Variants in CCDC170 observed in about 807,000 individuals in gnomAD.
CCDC170 encodes coiled-coil domain containing 170.
In CCDC170, 69 loss-of-function variants were observed where a neutral mutation model predicts 72.6. The observed-to-expected ratio is 0.95, with a 90% CI of 0.78 to 1.16. CCDC170 has a LOEUF of 1.16. CCDC170 is among the 50% of genes most tolerant of loss of function. The probability of loss-of-function intolerance (pLI) is 0.00; values close to 1 mark genes in which losing one functional copy is unlikely to be tolerated. For missense variants in CCDC170, 852 were observed against 832.5 expected (o/e 1.02, Z -0.29); for synonymous variants, 300 against 303.9 (o/e 0.99, Z 0.13).
intron 6 of CCDC170, among the ~76,000 whole-genome samples, chr6:151,576,900 A>G (rs1776310413): frequency 1.3e-5 from 2 of 152,300 alleles, no homozygotes; most frequent in South Asian, 4.1e-4. Context: ...CGGCGGGTTC[A>G]GGCTCAGCTT....
intron 9 of CCDC170, among the ~76,000 whole-genome samples, chr6:151,614,408 T>G (rs1776924519): frequency 1.3e-5 from 2 of 152,168 alleles, no homozygotes; most frequent in Admixed American, 6.5e-5. Context: ...ACTTAGGATG[T>G]TTTCAAGGCT....
At chr6:151,581,764 G>T (rs1371929200) in intron 6 of CCDC170, among the ~76,000 whole-genome samples, 2 of 152,170 alleles carry the variant, frequency 1.3e-5, no homozygotes, top group African/African-American at 2.4e-5. Context: ...TGATCCATGG[G>T]CTGCAGAATG....
intron 3 of CCDC170, among the ~76,000 whole-genome samples, chr6:151,542,089 A>G (rs1373836258): frequency 1.3e-5 from 2 of 151,856 alleles, no homozygotes; most frequent in African/African-American, 4.8e-5. Flanking sequence ...CATGTTGGCC[A>G]GACTGGTCTC....
chr6:151,559,429 G>A (rs1783040621), intron 5 of CCDC170, among the ~76,000 whole-genome samples: 1 of 151,946 alleles, frequency 6.6e-6, no homozygotes, highest in South Asian at 2.1e-4. Context: ...TCCCTTCCTT[G>A]GTTAAATTTA....
intron 4 of CCDC170, among the ~76,000 whole-genome samples, chr6:151,546,396 T>C (rs1387265352): frequency 2.6e-5 from 4 of 152,186 alleles, no homozygotes; most frequent in African/African-American, 4.8e-5. Flanking sequence ...CACACTTTTC[T>C]CTATCGGACA....
Position 151,593,213 on chromosome 6 carries a change from AG to A in CCDC170, c.1401del (p.Gln467HisfsTer24), listed in dbSNP as rs760937849. 2.5e-6 allele frequency: 4 copies of A among 1,614,208 alleles called. No individual in the cohort carries two copies. The Admixed American group carries it at 5.0e-5, about 20-fold the overall frequency. ...GACGTGGTTTTAGCTCGAACAGAGCAGCTGGTTCGTCTTGAGAGCAATGCAG... is the reference window on the plus strand; with the variant it reads ...GACGTGGTTTTAGCTCGAACAGAGCACTGGTTCGTCTTGAGAGCAATGCAG... Reference protein sequence around the residue: ...RLDVVLARTEQLVRLESNAVI... With the variant: ...RLDVVLARTEXLVRLESNAVI... On this transcript the variant is annotated frameshift_variant, in exon 8 of 11. Transcript: ENST00000239374. LOFTEE classifies it high-confidence loss of function.
At chr6:151,615,138 G>C (rs887681807) in intron 9 of CCDC170, among the ~76,000 whole-genome samples, 1 of 152,184 alleles carries the variant, frequency 6.6e-6, no homozygotes, top group African/African-American at 2.4e-5. Context: ...ACCTCATAGA[G>C]TGTGTGTGCA....
At chr6:151,579,618 C>T (rs1583035643) in intron 6 of CCDC170, among the ~76,000 whole-genome samples, 1 of 152,190 alleles carries the variant, frequency 6.6e-6, no homozygotes, top group African/African-American at 2.4e-5. Flanking sequence ...GCAAGAGAGA[C>T]CTTCTTGCCT....
intron 9 of CCDC170, among the ~76,000 whole-genome samples, chr6:151,612,028 T>C (rs1370778261): frequency 6.6e-6 from 1 of 152,198 alleles, no homozygotes; most frequent in Non-Finnish European, 1.5e-5. Flanking sequence ...TTCTAGTTTA[T>C]GAGTTCAGCA....
intron 6 of CCDC170, among the ~76,000 whole-genome samples, chr6:151,582,593 G>A (rs1010807904): frequency 5.9e-5 from 9 of 152,126 alleles, no homozygotes; most frequent in African/African-American, 2.2e-4. Flanking sequence ...AATACCTGAG[G>A]CTGAGTAATT....
chr6:151,558,228 T>G (rs1203747435), intron 5 of CCDC170, among the ~76,000 whole-genome samples: 2 of 137,100 alleles, frequency 1.5e-5, no homozygotes, highest in African/African-American at 5.2e-5. Flanking sequence ...TTATTGAGAT[T>G]AGTGTTTTTT....
intron 1 of CCDC170, among the ~76,000 whole-genome samples, chr6:151,534,549 T>G (rs1782546229): frequency 6.6e-6 from 1 of 152,134 alleles, no homozygotes. Context: ...GTGGTCAGGG[T>G]GGAGAAGACC....
intron 5 of CCDC170, among the ~76,000 whole-genome samples, chr6:151,554,872 G>GGT (rs1256155008): frequency 3.2e-4 from 33 of 102,316 alleles, no homozygotes; most frequent in African/African-American, 1.2e-3. Context: ...TTGGACCTCA[G>GGT]TTTTTTTTTT....
intron 6 of CCDC170, among the ~76,000 whole-genome samples, chr6:151,585,089 G>A (rs1206557900): frequency 6.6e-6 from 1 of 152,132 alleles, no homozygotes; most frequent in Non-Finnish European, 1.5e-5. Flanking sequence ...TTCTGAGAGT[G>A]TCCCTGAGGT....
chr6:151,606,006 ATTC>A (rs1776777784), intron 9 of CCDC170, among the ~76,000 whole-genome samples: 1 of 151,348 alleles, frequency 6.6e-6, no homozygotes, highest in East Asian at 1.9e-4. Context: ...GGTTCAAGCA[ATTC>A]TTCTTACTCA....
chr6:151,590,353 G>T (rs1268011320), intron 7 of CCDC170, among the ~76,000 whole-genome samples: 1 of 151,956 alleles, frequency 6.6e-6, no homozygotes, highest in Non-Finnish European at 1.5e-5. Flanking sequence ...AGGTGGATTG[G>T]TATTTCTTCC....
chr6:151,578,101 T>C (rs1224221527), intron 6 of CCDC170, among the ~76,000 whole-genome samples: 1 of 152,098 alleles, frequency 6.6e-6, no homozygotes, highest in Admixed American at 6.5e-5. Context: ...CCAGCACACT[T>C]CCATTTGGGA....
intron 5 of CCDC170, among the ~76,000 whole-genome samples, chr6:151,567,527 C>T (rs963973274): frequency 2.6e-5 from 4 of 152,176 alleles, no homozygotes; most frequent in African/African-American, 7.2e-5. Flanking sequence ...CCACCATACC[C>T]GTCTGAAACA....
intron 5 of CCDC170, among the ~76,000 whole-genome samples, chr6:151,556,705 C>T (rs563384301): frequency 2.8e-4 from 42 of 152,164 alleles, no homozygotes; most frequent in Admixed American, 5.9e-4. Context: ...TCTTCATCAC[C>T]TCAACTATTT....
Sources: gnomAD v4.1 joint callset for allele counts (sites outside exome capture counted in the v4.1 genomes callset) on GRCh38, gnomAD v4.1.1 for gene constraint, MANE v1.5 for transcripts, NCBI Gene and HGNC (gene_info 2026-07-23, HGNC 2026-07-21) for gene names.